TTN: variants seen among roughly 807,000 people sequenced by gnomAD.
TTN encodes connectin.
A neutral mutation model predicts 3,223.0 loss-of-function variants in TTN; 1,525 were observed. The ratio of observed to expected loss-of-function variants is 0.47; its 90% CI spans 0.45 to 0.49. TTN has a LOEUF of 0.49. TTN is among the 20% of genes least tolerant of loss of function. The pLI is 0.00. For synonymous variants in TTN, 14,094 were observed against 15,161.0 expected (o/e 0.93, Z 5.17); for missense variants, 40,786 against 43,424.0 (o/e 0.94, Z 5.40).
At position 178,764,775 on chromosome 2, in the gene TTN, G is replaced by A; in HGVS notation, c.9740C>T (p.Pro3247Leu). The A allele has an allele frequency of 6.2e-7, 1 of 1,613,756 alleles. No individual in the cohort carries two copies. Among genetic ancestry groups the A allele is most frequent in the African/African-American group, 1.3e-5 (1 of 75,046 alleles). Residue 3247 changes from proline (P) to leucine (L), a missense_variant, in exon 42 of 363, where the codon CCT becomes CTT. Coordinates refer to ENST00000589042, the MANE Select transcript of TTN (RefSeq NM_001267550.2). ...EPPQVLQELQ[P>L]VTVQSGKPAR... ...AGGCTTGCCAGACTGCACAGTGACA[G>A]GCTGGAGCTCCTGCAGAACTTGGGG...
At position 178,544,429 on chromosome 2, in the gene TTN, T is replaced by C. The variant is rs1696075318; in HGVS notation, c.95800A>G (p.Met31934Val). ...HSISLAWTKP[M>V]YDGGTDIVGY... is the part of the protein sequence containing the mutation. The stretch of plus-strand genomic sequence containing the variant: ...ACAATGTCAGTACCACCATCGTACA[T>C]GGGTTTGGTCCATGCCAAACTAATG... The change falls in exon 345 of 363, where the codon ATG becomes GTG. Residue 31934 changes from methionine to valine, a missense_variant. Coordinates refer to ENST00000589042, the MANE Select transcript of TTN (RefSeq NM_001267550.2). 6.2e-7 allele frequency: 1 copy of C among 1,613,800 alleles called. No homozygotes were observed.
rs1254565797 is a variant in TTN at position 178,685,308 on chromosome 2, TTTC to T, written c.32412_32414del (p.Lys10805del). The T allele has an allele frequency of 6.4e-6, 10 of 1,551,876 alleles. No individual in the cohort carries two copies. The Admixed American group carries it at 1.2e-4, about 18-fold the overall frequency. Reference sequence around the variant, plus strand: ...CAGGAATTTTTGGTTTCAGTACAATTTTCTTCTCCTGCCTCTCTGTCACTTGAA... The same window carrying T: ...CAGGAATTTTTGGTTTCAGTACAATTTTCTCCTGCCTCTCTGTCACTTGAA... On this transcript the variant is annotated inframe_deletion, in exon 129 of 363. Coordinates refer to ENST00000589042, the MANE Select transcript of TTN (RefSeq NM_001267550.2).
Position 178,527,006 on chromosome 2 carries a change from G to C in TTN, c.*6C>G, listed in dbSNP as rs188728343. The stretch of plus-strand genomic sequence containing the variant: ...ATGAGTGTAGAGTATAAGGGCACAG[G>C]CCCTCTTAAATGGATCGAATATGTA... On this transcript the variant is annotated 3_prime_UTR_variant, in exon 363 of 363. Coordinates refer to ENST00000589042, the MANE Select transcript of TTN (RefSeq NM_001267550.2). 4 of 1,604,804 alleles carry C rather than the reference G, an allele frequency of 2.5e-6. No individual in the cohort carries two copies. The highest frequency in any genetic ancestry group is 1.7e-5 in the Admixed American group (1 of 59,628).
At chr2:178,716,336 C>T (rs555973284) in intron 88 of TTN, among the ~76,000 whole-genome samples, 1 of 152,094 alleles carries the variant, frequency 6.6e-6, no homozygotes, top group Non-Finnish European at 1.5e-5. Context: ...ATGATTTCCT[C>T]ATTAACTGAA....
rs368845723 is a variant in TTN at position 178,741,527 on chromosome 2, T to C, written c.11706A>G (p.Ile3902Met). The C allele has an allele frequency of 5.0e-6, 8 of 1,613,796 alleles. No homozygotes were observed. The highest frequency in any genetic ancestry group is 4.0e-5 in the African/African-American group (3 of 74,944). Residue 3902 changes from isoleucine to methionine, a missense_variant, in exon 48 of 363, where the codon ATA becomes ATG. Physicochemically the swap from Ile to Met is conservative, Grantham distance 10. Coordinates refer to ENST00000589042, the MANE Select transcript of TTN (RefSeq NM_001267550.2). ...AATTAATTTTTAGATAGGCACTACA[T>C]ATTGTCTTTCCATAGTCATTACTGG... Reference protein sequence around the residue: ...CMASNDYGKTICSAYLKINSK... With the variant: ...CMASNDYGKTMCSAYLKINSK...
chr2:178,619,087 T>G, intron 250 of TTN: 1 of 571,700 alleles, frequency 1.7e-6, no homozygotes, highest in South Asian at 2.4e-5. Context: ...TCATAAGACA[T>G]GCATTCCTTG....
At chr2:178,633,077 A>G in intron 233 of TTN, 33 bp from the exon 234 acceptor site, 1 of 1,606,646 alleles carries the variant, frequency 6.2e-7, no homozygotes, top group South Asian at 1.1e-5. Flanking sequence ...GGAAAGAAAG[A>G]ACATCATTTA....
chr2:178,605,856 T>C (rs1284306910), intron 278 of TTN, 143 bp from the exon 279 acceptor site: 2 of 733,438 alleles, frequency 2.7e-6, no homozygotes, highest in African/African-American at 1.8e-5. Flanking sequence ...TTCCTAAAAC[T>C]TGTCAGTTGC....
At chr2:178,726,760 T>A (rs1007249213) in intron 69 of TTN, 2 of 197,142 alleles carry the variant, frequency 1.0e-5, no homozygotes, top group African/African-American at 4.6e-5. Flanking sequence ...GAATGATATA[T>A]CTGTAAGTTG....
At position 178,775,527 on chromosome 2, in the gene TTN, T is replaced by C. The variant is rs1574647040; in HGVS notation, c.6337A>G (p.Lys2113Glu). The C allele has an allele frequency of 6.2e-7, 1 of 1,614,020 alleles. No homozygotes were observed. The highest frequency in any genetic ancestry group is 8.5e-7 in the Non-Finnish European group (1 of 1,179,986). ...GKPDPECEWY[K>E]NGVKIERSDR... is the part of the protein sequence containing the mutation. ...GACCGTTCAATTTTGACACCATTTT[T>C]GTACCATTCACATTCGGGGTCTGGT... The change falls in exon 28 of 363, where the codon AAA becomes GAA. Residue 2113 changes from lysine to glutamate, a missense_variant. Transcript: ENST00000589042.
rs1330792517 is a variant in TTN, at chr2:178,538,687, T to C, written c.99142A>G (p.Ser33048Gly). Residue 33048 changes from serine (S) to glycine (G), a missense_variant, in exon 354 of 363, where the codon AGC becomes GGC. Ser to Gly is a moderately conservative substitution (Grantham distance 56). Transcript: ENST00000589042. ...TTGTCCTTAATACGTTCCTTATTGC[T>C]CTTCTTCCAGGCACTGTCTCCAGAC... Reference protein sequence around the residue: ...RQSGDSAWKKSNKERIKDKQF... With the variant: ...RQSGDSAWKKGNKERIKDKQF... 2 of 1,613,788 alleles carry C rather than the reference T, an allele frequency of 1.2e-6. No homozygotes were observed. The highest frequency in any genetic ancestry group is 1.3e-5 in the African/African-American group (1 of 75,028).
chr2:178,549,873 T>A lies in TTN; in HGVS notation c.91853-4A>T. On this transcript the variant is annotated splice_region_variant and splice_polypyrimidine_tract_variant and intron_variant, in intron 337 of 362. Coordinates refer to ENST00000589042, the MANE Select transcript of TTN (RefSeq NM_001267550.2). ...CCAACTACTTTTCCTGGTGTATCTA[T>A]AAGAAAAAGTTTCTAGAGTTAGTTT... 6.5e-7 allele frequency: 1 copy of A among 1,546,726 alleles called. No individual in the cohort carries two copies. The highest frequency in any genetic ancestry group is 2.1e-5 in the Admixed American group (1 of 48,028).
intron 47 of TTN, chr2:178,749,106 T>G: frequency 6.2e-7 from 1 of 1,612,926 alleles, no homozygotes. Context: ...TCTTTTGTAT[T>G]GTAACTGTCA....
rs368161055 is a variant in TTN, at chr2:178,632,725, A to G, written c.43281T>C (p.Phe14427=). Residue 14427 remains phenylalanine, a synonymous_variant, in exon 235 of 363, where the codon TTT becomes TTC. Transcript: ENST00000589042. ...VKVFEKDEAK[F]ECEVSREPKT... ...TGGGCTCCCTGGATACTTCACACTC[A>G]AACTTAGCCTCATCTTTCTCGAAGA... is the stretch of plus-strand genomic sequence containing the variant. 10 of 1,613,386 alleles carry G rather than the reference A, an allele frequency of 6.2e-6. No individual in the cohort carries two copies. Among genetic ancestry groups the G allele is most frequent in the Middle Eastern group, 1.7e-4 (1 of 6,054 alleles).
rs751391249 is a variant in TTN, at chr2:178,553,962, C to G, written c.89149G>C (p.Gly29717Arg). ...RVCAVNAAGQ[G>R]PFSEPSEFYK... ...AATTCAGATGGTTCAGAAAATGGAC[C>G]CTGTCCAGCAGCGTTTACAGCACAA... Residue 29717 changes from glycine to arginine, a missense_variant, in exon 333 of 363, where the codon GGT (glycine) becomes CGT (arginine). By Grantham distance (125) the Gly-to-Arg change is moderately radical. Transcript: ENST00000589042. 5.6e-6 allele frequency: 9 copies of G among 1,609,484 alleles called. No individual in the cohort carries two copies. In the South Asian group the frequency reaches 6.6e-5, roughly 12 times the overall value.
In TTN at chr2:178,530,860, C is replaced by A; in HGVS notation, c.105755G>T (p.Arg35252Leu). ...GTGAGAAGGTTCTGGAGATTTCACT[C>A]GTTTTGGAGACTTAACTGCTTCTGG... ...KSPEAVKSPK[R>L]VKSPEPSHPK... Residue 35252 changes from arginine (R) to leucine (L), a missense_variant, in exon 358 of 363, where the codon CGA (arginine) becomes CTA (leucine). Coordinates refer to ENST00000589042, the MANE Select transcript of TTN (RefSeq NM_001267550.2). The A allele has an allele frequency of 1.2e-6, 2 of 1,613,588 alleles. No individual in the cohort carries two copies. Among genetic ancestry groups the A allele is most frequent in the Middle Eastern group, 1.6e-4 (1 of 6,062 alleles).
chr2:178,701,695 A>C (rs907587544), intron 109 of TTN, 108 bp from the exon 110 acceptor site: 4 of 1,108,950 alleles, frequency 3.6e-6, no homozygotes, highest in Non-Finnish European at 4.0e-6. Context: ...GGCATATCTA[A>C]TGGCAGAATC....
rs267599050 is a variant in TTN at position 178,620,028 on chromosome 2, C to T, written c.46389G>A (p.Gly15463=). ...RLDDECEYAC[G]VEDRKSRARL... is the part of the protein sequence containing the mutation. The stretch of plus-strand genomic sequence containing the variant: ...TAGCACGAGACTTCCTGTCTTCTAC[C>T]CCGCAAGCATATTCACACTCATCAT... The change falls in exon 249 of 363, where the codon GGG becomes GGA. Residue 15463 remains glycine (G), a synonymous_variant. Coordinates refer to ENST00000589042, the MANE Select transcript of TTN (RefSeq NM_001267550.2). 6.2e-6 allele frequency: 10 copies of T among 1,611,750 alleles called. No individual in the cohort carries two copies. The highest frequency in any genetic ancestry group is 8.5e-6 in the Non-Finnish European group (10 of 1,178,756).
rs373070956 is a variant in TTN, at chr2:178,714,517, C to T, written c.26257G>A (p.Val8753Ile). The change falls in exon 91 of 363, where the codon GTT becomes ATT. Residue 8753 changes from valine to isoleucine, a missense_variant. Transcript: ENST00000589042. ...CCTTCAATGGTAGTCTGCAGCTGAACTTCTTTACCAACGACAGTAGATATG... is the reference window on the plus strand; with the variant it reads ...CCTTCAATGGTAGTCTGCAGCTGAATTTCTTTACCAACGACAGTAGATATG... ...SDISTVVGKE[V>I]QLQTTIEGAE... 1 of 1,613,118 alleles carries T rather than the reference C, an allele frequency of 6.2e-7. No homozygotes were observed. The highest frequency in any genetic ancestry group is 1.3e-5 in the African/African-American group (1 of 74,880).
Sources: allele counts gnomAD v4.1 joint callset (sites outside exome capture counted in the v4.1 genomes callset), GRCh38; gene constraint gnomAD v4.1.1; transcripts MANE v1.5; gene names NCBI Gene and HGNC (gene_info 2026-07-23, HGNC 2026-07-21).